The following NFIB variants were observed in gnomAD, a reference collection of about 807,000 sequenced individuals.
NFIB encodes the protein nuclear factor 1 B-type.
In NFIB, 11 loss-of-function variants were observed where a neutral mutation model predicts 61.5. That is an observed-to-expected ratio of 0.18 (90% CI 0.11 to 0.30). The LOEUF (loss-of-function observed/expected upper bound fraction) is 0.30. Among genes scored for constraint, NFIB ranks in the 10% least tolerant of loss-of-function variants. The pLI, the probability that NFIB is intolerant of heterozygous loss-of-function variation, is 1.00. For synonymous variants in NFIB, 260 were observed against 216.5 expected, an observed-to-expected ratio of 1.20 and a Z score of -1.76; for missense variants, 471 against 608.9, an observed-to-expected ratio of 0.77 and a Z score of 2.38.
rs552468329 is a variant in NFIB, at chr9:14,379,742, G to A, written c.108+18782C>T. The stretch of plus-strand genomic sequence containing the variant: ...TTGTCGCCCAGGCTGGAGTGCAATG[G>A]CATAATCTTGGCTCACTGCAACCTC... On this transcript the variant is annotated intron_variant, in intron 1 of 8. Transcript: ENST00000380934. 2.6e-5 allele frequency among the ~76,000 whole-genome samples: 4 copies of A among 152,164 alleles called. No homozygotes were observed. In the South Asian group the frequency reaches 8.3e-4, roughly 32 times the overall value.
intron 1 of NFIB, among the ~76,000 whole-genome samples, chr9:14,380,625 A>G (rs1301931137): frequency 2.6e-5 from 4 of 152,164 alleles, no homozygotes; most frequent in Admixed American, 2.6e-4. Flanking sequence ...ATAAATCCAA[A>G]AAAAATGTTG....
chr9:14,184,829 T>A (rs981529941), intron 2 of NFIB, among the ~76,000 whole-genome samples: 1 of 152,146 alleles, frequency 6.6e-6, no homozygotes, highest in Non-Finnish European at 1.5e-5. Context: ...GAGACCAGCC[T>A]GGCCAACGTG....
chr9:14,083,890 C>T lies in NFIB; in HGVS notation c.*4419G>A, dbSNP rs950462335. On this transcript the variant is annotated 3_prime_UTR_variant, in exon 11 of 11. Transcript: ENST00000380953. ...TAGTTTTCTGCCTATCCTGAATGCT[C>T]TGTGAAACTTAACCTTAAATACCAT... The T allele has an allele frequency of 3.1e-5, 7 of 224,568 alleles. No homozygotes were observed. In the East Asian group the frequency reaches 4.5e-4, roughly 14 times the overall value. 13.9% of individuals were successfully genotyped at this position (224,568 alleles called of 1,614,324 possible).
At chr9:14,100,638 C>T (rs1163704025) in intron 10 of NFIB, among the ~76,000 whole-genome samples, 2 of 152,224 alleles carry the variant, frequency 1.3e-5, no homozygotes, top group Non-Finnish European at 2.9e-5. Flanking sequence ...GGCGTGAACC[C>T]GGGAGGCGGA....
At chr9:14,289,303 C>T (rs1312836100) in intron 2 of NFIB, among the ~76,000 whole-genome samples, 1 of 150,624 alleles carries the variant, frequency 6.6e-6, no homozygotes, top group Non-Finnish European at 1.5e-5. Context: ...CAACACTGAA[C>T]TAAAGAATCA....
chr9:14,505,075 T>G, the NFIB span, among the ~76,000 whole-genome samples: 2 of 152,214 alleles, frequency 1.3e-5, no homozygotes, highest in African/African-American at 2.4e-5. Context: ...TTTTTCTGCA[T>G]CTATTGAGGT....
chr9:14,487,454 A>G, the NFIB span, among the ~76,000 whole-genome samples: 1 of 152,226 alleles, frequency 6.6e-6, no homozygotes, highest in African/African-American at 2.4e-5. Context: ...GAAGCAAACT[A>G]GTAGCACACT....
intron 1 of NFIB, among the ~76,000 whole-genome samples, chr9:14,337,054 A>G (rs1263371768): frequency 6.6e-6 from 1 of 152,192 alleles, no homozygotes; most frequent in East Asian, 1.9e-4. Context: ...TGTTCTTCCA[A>G]CCATTTCAGA....
chr9:14,159,978 T>C (rs2043958624), intron 3 of NFIB, among the ~76,000 whole-genome samples: 1 of 152,190 alleles, frequency 6.6e-6, no homozygotes, highest in Non-Finnish European at 1.5e-5. Context: ...ATTCCCTTCG[T>C]CTACCAAAGG....
At chr9:14,480,583 C>T in the NFIB span, among the ~76,000 whole-genome samples, 1 of 152,190 alleles carries the variant, frequency 6.6e-6, no homozygotes, top group African/African-American at 2.4e-5. Context: ...TAATGAGCCC[C>T]ACAAGTTCTC....
At chr9:14,308,315 G>A (rs987626179) in intron 1 of NFIB, among the ~76,000 whole-genome samples, 3 of 144,050 alleles carry the variant, frequency 2.1e-5, no homozygotes, top group East Asian at 4.1e-4. Context: ...CACTACCAAC[G>A]CCAGCTCCCA....
chr9:14,308,471 G>A (rs1002941900), intron 1 of NFIB, among the ~76,000 whole-genome samples: 3 of 152,118 alleles, frequency 2.0e-5, no homozygotes, highest in African/African-American at 4.8e-5. Flanking sequence ...CACAGAGTCC[G>A]TTAATTTGTT....
chr9:14,344,585 C>T (rs1191060176), intron 1 of NFIB, among the ~76,000 whole-genome samples: 1 of 152,078 alleles, frequency 6.6e-6, no homozygotes, highest in East Asian at 1.9e-4. Context: ...TTTCTCAGTC[C>T]TAACCAGTTC....
chr9:14,459,586 C>G, the NFIB span, among the ~76,000 whole-genome samples: 3 of 152,028 alleles, frequency 2.0e-5, no homozygotes, highest in African/African-American at 7.2e-5. Context: ...AGGCAACCTA[C>G]AGAATGGGAG....
chr9:14,270,428 G>C (rs2057509660), intron 2 of NFIB, among the ~76,000 whole-genome samples: 1 of 151,964 alleles, frequency 6.6e-6, no homozygotes, highest in Non-Finnish European at 1.5e-5. Flanking sequence ...GGTAGGAGCT[G>C]CAAGTGTTTT....
chr9:14,316,604 G>T (rs564803308), upstream of NFIB, among the ~76,000 whole-genome samples: 1 of 152,354 alleles, frequency 6.6e-6, no homozygotes, highest in South Asian at 2.1e-4. Context: ...AAAGAAATGA[G>T]GTGACAGGGT....
intron 2 of NFIB, among the ~76,000 whole-genome samples, chr9:14,231,891 G>A (rs1435327872): frequency 1.3e-5 from 2 of 152,056 alleles, no homozygotes; most frequent in East Asian, 3.9e-4. Flanking sequence ...AAAGCAAGGA[G>A]GAAAAAAATC....
At chr9:14,466,322 G>A in the NFIB span, among the ~76,000 whole-genome samples, 5 of 152,232 alleles carry the variant, frequency 3.3e-5, no homozygotes, top group South Asian at 4.1e-4. Flanking sequence ...GGCAGCGGAC[G>A]TGTCTTTTCT....
intron 2 of NFIB, among the ~76,000 whole-genome samples, chr9:14,271,733 G>A (rs548184499): frequency 2.2e-4 from 34 of 152,210 alleles, no homozygotes; most frequent in African/African-American, 7.7e-4. Context: ...GGAACCTCAT[G>A]GAAAACACTG....
Sources: gnomAD v4.1 joint callset for allele counts (sites outside exome capture counted in the v4.1 genomes callset) on GRCh38, gnomAD v4.1.1 for gene constraint, MANE v1.5 for transcripts, NCBI Gene and HGNC (gene_info 2026-07-23, HGNC 2026-07-21) for gene names.